GALNT13: variants seen among roughly 807,000 people sequenced by gnomAD.
GALNT13 encodes polypeptide N-acetylgalactosaminyltransferase 13, also known as UDP-GalNAc:polypeptide N-acetylgalactosaminyltransferase 13.
A neutral mutation model predicts 64.2 loss-of-function variants in GALNT13; 28 were observed. The ratio of observed to expected loss-of-function variants is 0.44; its 90% CI spans 0.32 to 0.60. The LOEUF is 0.60. GALNT13 is among the 20% of genes least tolerant of loss of function. GALNT13 has a pLI of 0.05. For synonymous variants in GALNT13, 214 were observed against 224.6 expected (o/e 0.95, Z 0.42); for missense variants, 577 against 669.8 (o/e 0.86, Z 1.53).
intron 3 of GALNT13, among the ~76,000 whole-genome samples, chr2:154,072,482 T>G (rs1476169762): frequency 6.6e-6 from 1 of 152,120 alleles, no homozygotes; most frequent in Non-Finnish European, 1.5e-5. Flanking sequence ...TACTCTCTTT[T>G]CATTATAGTG....
intron 3 of GALNT13, among the ~76,000 whole-genome samples, chr2:154,100,264 T>C (rs183404126): frequency 1.3e-5 from 2 of 152,272 alleles, no homozygotes; most frequent in Non-Finnish European, 2.9e-5. Context: ...GGTAATTGGA[T>C]ATGAATTTAA....
the GALNT13 span, among the ~76,000 whole-genome samples, chr2:153,577,587 G>A: frequency 6.6e-6 from 1 of 151,874 alleles, no homozygotes; most frequent in Non-Finnish European, 1.5e-5. Context: ...CTTTTCAGAT[G>A]CCCCCTCTCT....
chr2:154,158,387 A>G (rs1207718750), intron 4 of GALNT13, among the ~76,000 whole-genome samples: 1 of 152,218 alleles, frequency 6.6e-6, no homozygotes, highest in East Asian at 1.9e-4. Context: ...TCTTATCATC[A>G]TCTTCCCTGC....
the GALNT13 span, among the ~76,000 whole-genome samples, chr2:153,754,020 A>G: frequency 6.6e-6 from 1 of 152,222 alleles, no homozygotes; most frequent in African/African-American, 2.4e-5. Context: ...TAAGACTACC[A>G]TCAATGTTTC....
intron 11 of GALNT13, chr2:154,437,357 C>T (rs707064): frequency 0.091 from 25,938 of 284,886 alleles, 1,459 homozygotes; most frequent in South Asian, 0.17. Context: ...ACTCGTTCAG[C>T]TTACGGAGCT....
intron 9 of GALNT13, among the ~76,000 whole-genome samples, chr2:154,315,165 A>G (rs755668095): frequency 4.6e-5 from 7 of 152,232 alleles, no homozygotes; most frequent in Admixed American, 1.3e-4. Flanking sequence ...ACTTTTTTAC[A>G]GGACATTAAA....
chr2:153,625,155 A>G, the GALNT13 span, among the ~76,000 whole-genome samples: 146 of 152,196 alleles, frequency 9.6e-4, no homozygotes, highest in African/African-American at 3.2e-3. Context: ...CAAGGTAAAT[A>G]CTAAACATGA....
chr2:153,658,003 C>T, the GALNT13 span, among the ~76,000 whole-genome samples: 3 of 152,168 alleles, frequency 2.0e-5, no homozygotes, highest in Non-Finnish European at 2.9e-5. Flanking sequence ...TTTTAAAGAA[C>T]GTGTTTGTAG....
chr2:154,036,216 T>C (rs1019514009), intron 3 of GALNT13, among the ~76,000 whole-genome samples: 4 of 152,130 alleles, frequency 2.6e-5, no homozygotes, highest in African/African-American at 9.6e-5. Context: ...TCTTAAATCA[T>C]AAAGTGAGAG....
the GALNT13 span, among the ~76,000 whole-genome samples, chr2:153,258,891 T>C: frequency 1.3e-5 from 2 of 152,222 alleles, no homozygotes; most frequent in Non-Finnish European, 1.5e-5. Flanking sequence ...TTGAGAATAA[T>C]GCATGTGCTG....
At chr2:154,199,172 G>A (rs1259239945) in intron 4 of GALNT13, among the ~76,000 whole-genome samples, 2 of 151,404 alleles carry the variant, frequency 1.3e-5, no homozygotes, top group Non-Finnish European at 3.0e-5. Flanking sequence ...TAATCATCAT[G>A]GTATGTTTAG....
At chr2:153,503,431 AT>A in the GALNT13 span, among the ~76,000 whole-genome samples, 20 of 150,880 alleles carry the variant, frequency 1.3e-4, no homozygotes, top group South Asian at 4.2e-4. Flanking sequence ...CTATGTGCCT[AT>A]TTTTTTTTTA....
the GALNT13 span, among the ~76,000 whole-genome samples, chr2:153,135,030 CTG>C: frequency 6.6e-6 from 1 of 152,082 alleles, no homozygotes; most frequent in Non-Finnish European, 1.5e-5. Flanking sequence ...ATACCATAGA[CTG>C]TGTGGCTTAA....
At chr2:153,533,152 TTTTC>T in the GALNT13 span, among the ~76,000 whole-genome samples, 2 of 152,198 alleles carry the variant, frequency 1.3e-5, no homozygotes, top group Non-Finnish European at 2.9e-5. Flanking sequence ...TAAAAAATGT[TTTTC>T]TTTATCTTTC....
chr2:153,519,784 A>C, the GALNT13 span, among the ~76,000 whole-genome samples: 1 of 152,298 alleles, frequency 6.6e-6, no homozygotes, highest in Admixed American at 6.5e-5. Context: ...ACAAAAATGG[A>C]GTGACAAGGC....
At chr2:153,527,851 T>TATCA in the GALNT13 span, among the ~76,000 whole-genome samples, 66 of 152,224 alleles carry the variant, frequency 4.3e-4, no homozygotes, top group Middle Eastern at 3.4e-3. Flanking sequence ...ATTTAATTTT[T>TATCA]ATCAGCTTAA....
the GALNT13 span, among the ~76,000 whole-genome samples, chr2:153,715,442 A>T: frequency 6.6e-6 from 1 of 152,184 alleles, no homozygotes; most frequent in African/African-American, 2.4e-5. Flanking sequence ...CAGCTCTCTC[A>T]CCTGTGACTG....
At chr2:154,413,161 T>G (rs954110186) in intron 11 of GALNT13, among the ~76,000 whole-genome samples, 1 of 151,874 alleles carries the variant, frequency 6.6e-6, no homozygotes, top group Non-Finnish European at 1.5e-5. Flanking sequence ...CTCTAGAATC[T>G]ATAGCCAGTT....
At chr2:153,090,013 T>C in the GALNT13 span, among the ~76,000 whole-genome samples, 1 of 152,170 alleles carries the variant, frequency 6.6e-6, no homozygotes, top group African/African-American at 2.4e-5. Flanking sequence ...AGGACCCTCT[T>C]TTTTCATATT....
Sources: gnomAD v4.1 joint callset for allele counts (sites outside exome capture counted in the v4.1 genomes callset) on GRCh38, gnomAD v4.1.1 for gene constraint, MANE v1.5 for transcripts, NCBI Gene and HGNC (gene_info 2026-07-23, HGNC 2026-07-21) for gene names.